PCDHGB2: variants seen among roughly 807,000 people sequenced by gnomAD.
The protein encoded by PCDHGB2 is protocadherin gamma-B2.
PCDHGB2 carries 55 observed loss-of-function variants against 59.3 expected under a neutral mutation model. That is an observed-to-expected ratio of 0.93 (90% CI 0.75 to 1.16). The LOEUF (loss-of-function observed/expected upper bound fraction) is 1.16, where lower values mean the gene tolerates loss of function less well. Among genes scored for constraint, PCDHGB2 ranks in the 50% most tolerant of loss-of-function variants. The pLI, the probability that PCDHGB2 is intolerant of heterozygous loss-of-function variation, is 0.00. For synonymous variants in PCDHGB2, 516 were observed against 512.0 expected (o/e 1.01, Z -0.11); for missense variants, 1,228 against 1,198.5 (o/e 1.02, Z -0.36).
Position 141,491,755 on chromosome 5 carries a change from G to A in PCDHGB2, c.2422-3052G>A. On this transcript the variant is annotated intron_variant, in intron 1 of 3. Transcript: ENST00000522605. This position sits in a 1 kb window ranked among gnomAD's most constrained non-coding sequence, Gnocchi z 6.9. Reference sequence around the variant, plus strand: ...CCCTGGGGGCGGCACTGGAGAAGCCGCCCGTCCTCATAAGGGATTGAACTT... The same window carrying A: ...CCCTGGGGGCGGCACTGGAGAAGCCACCCGTCCTCATAAGGGATTGAACTT... 6 of 1,582,196 alleles carry A rather than the reference G, an allele frequency of 3.8e-6. No individual in the cohort carries two copies. The highest frequency in any genetic ancestry group is 5.1e-6 in the Non-Finnish European group (6 of 1,165,450).
chr5:141,501,288 T>TACAC (rs1562199973), intron 2 of PCDHGB2, among the ~76,000 whole-genome samples: 2 of 81,228 alleles, frequency 2.5e-5, no homozygotes, highest in Admixed American at 1.6e-4. Flanking sequence ...GATATTCCCT[T>TACAC]ATACACACAC....
chr5:141,368,384 C>A (rs1263453291), intron 1 of PCDHGB2, among the ~76,000 whole-genome samples: 1 of 151,986 alleles, frequency 6.6e-6, no homozygotes, highest in Non-Finnish European at 1.5e-5. Context: ...TACACACATA[C>A]ACACACACAA....
chr5:141,405,090 C>A, intron 1 of PCDHGB2: 1 of 1,613,950 alleles, frequency 6.2e-7, no homozygotes, highest in Non-Finnish European at 8.5e-7. Flanking sequence ...ACGCTGCTGG[C>A]CCTCAGGCTG....
intron 1 of PCDHGB2, chr5:141,419,315 C>G (rs2096357855): frequency 1.2e-6 from 2 of 1,613,998 alleles, no homozygotes; most frequent in Non-Finnish European, 1.7e-6. Flanking sequence ...GCTCAACGGC[C>G]GTGTCTCCTA....
intron 1 of PCDHGB2, among the ~76,000 whole-genome samples, chr5:141,449,616 G>A (rs1279953840): frequency 1.6e-4 from 24 of 146,738 alleles, no homozygotes; most frequent in Non-Finnish European, 2.3e-4. Flanking sequence ...AAGTAAAAAA[G>A]TTTTTTAAAA....
At chr5:141,390,634 T>C (rs1003300188) in intron 1 of PCDHGB2, 36 of 236,246 alleles carry the variant, frequency 1.5e-4, no homozygotes, top group African/African-American at 7.4e-4. Context: ...ATATGATGAA[T>C]ACTTTTTTCA....
chr5:141,456,835 C>T (rs1261094365), intron 1 of PCDHGB2, among the ~76,000 whole-genome samples: 3 of 152,000 alleles, frequency 2.0e-5, no homozygotes, highest in African/African-American at 4.8e-5. Flanking sequence ...TGGTAGTGGG[C>T]GCCTGTAATC....
intron 1 of PCDHGB2, chr5:141,383,413 C>T (rs1160072155): frequency 6.2e-7 from 1 of 1,614,020 alleles, no homozygotes. Context: ...GAGTTACCAG[C>T]TCAGCCCCAA....
At chr5:141,380,975 T>C (rs1776901580) in intron 1 of PCDHGB2, among the ~76,000 whole-genome samples, 2 of 152,246 alleles carry the variant, frequency 1.3e-5, no homozygotes, top group Non-Finnish European at 2.9e-5. Flanking sequence ...ATTAAACAAA[T>C]AGAATTTAAC....
At chr5:141,482,345 T>G (rs192115752) in intron 1 of PCDHGB2, among the ~76,000 whole-genome samples, 8 of 152,122 alleles carry the variant, frequency 5.3e-5, no homozygotes, top group Admixed American at 5.2e-4. Context: ...CTTTGCAAAC[T>G]TGTTGTGAGA....
At chr5:141,473,102 C>T (rs1465515592) in intron 1 of PCDHGB2, among the ~76,000 whole-genome samples, 1 of 152,054 alleles carries the variant, frequency 6.6e-6, no homozygotes, top group Non-Finnish European at 1.5e-5. Flanking sequence ...AGTTGTATTA[C>T]CACACTTTAC....
intron 1 of PCDHGB2, chr5:141,388,709 C>T (rs370023698): frequency 1.9e-6 from 3 of 1,613,820 alleles, no homozygotes; most frequent in Admixed American, 3.3e-5. Context: ...GTGTCAATGC[C>T]GAGATTACTT....
chr5:141,391,872 CTT>C (rs1248262671), intron 1 of PCDHGB2: 1 of 152,168 alleles, frequency 6.6e-6, no homozygotes, highest in East Asian at 1.9e-4. Context: ...TTAATCATCT[CTT>C]TGGTGAAAGG....
At chr5:141,422,280 C>A in intron 1 of PCDHGB2, 1 of 1,557,754 alleles carries the variant, frequency 6.4e-7, no homozygotes, top group Non-Finnish European at 8.6e-7. Context: ...TAACTATCAC[C>A]TCTTCTATTA....
chr5:141,412,973 C>G, intron 1 of PCDHGB2: 1 of 528,318 alleles, frequency 1.9e-6, no homozygotes, highest in Non-Finnish European at 3.3e-6. Flanking sequence ...GGAGAGAAAA[C>G]GCAGCCAGAG....
At chr5:141,392,131 T>C (rs1434001990) in intron 1 of PCDHGB2, 2 of 152,204 alleles carry the variant, frequency 1.3e-5, no homozygotes, top group African/African-American at 4.8e-5. Flanking sequence ...TGTAAAATGA[T>C]TAAGTAGTTT....
chr5:141,481,842 T>C (rs1402237517), intron 1 of PCDHGB2, among the ~76,000 whole-genome samples: 1 of 144,038 alleles, frequency 6.9e-6, no homozygotes, highest in Non-Finnish European at 1.5e-5. Flanking sequence ...AATCGCTTGA[T>C]GGTGGAGGTT....
chr5:141,396,179 C>G (rs948602586), intron 1 of PCDHGB2: 1 of 152,178 alleles, frequency 6.6e-6, no homozygotes, highest in African/African-American at 2.4e-5. Context: ...CTTGGCTGGA[C>G]ACAGTGCCTC....
chr5:141,490,896 G>C lies in PCDHGB2; in HGVS notation c.2422-3911G>C. The stretch of plus-strand genomic sequence containing the variant: ...TGCATGCCAACACATCTCTGCATGT[G>C]TTTGTCCTAGACGAGAATGATAATG... On this transcript the variant is annotated intron_variant, in intron 1 of 3. Coordinates refer to ENST00000522605, the MANE Select transcript of PCDHGB2 (RefSeq NM_018923.3). This position sits in a 1 kb window ranked among gnomAD's most constrained non-coding sequence, Gnocchi z 5.4. 2.5e-6 allele frequency: 4 copies of C among 1,613,938 alleles called. No homozygotes were observed. The highest frequency in any genetic ancestry group is 3.4e-6 in the Non-Finnish European group (4 of 1,179,922).
Sources: gnomAD v4.1 joint callset for allele counts (sites outside exome capture counted in the v4.1 genomes callset) on GRCh38, gnomAD v4.1.1 for gene constraint, Gnocchi (gnomAD v3.1) non-coding constraint, MANE v1.5 for transcripts, NCBI Gene and HGNC (gene_info 2026-07-23, HGNC 2026-07-21) for gene names.